The following CEP95 variants were observed in gnomAD, a reference collection of about 807,000 sequenced individuals.
CEP95 encodes centrosomal protein 95, also known as centrosomal protein of 95 kDa.
CEP95 carries 98 observed loss-of-function variants against 111.2 expected under a neutral mutation model. The observed-to-expected ratio is 0.88, with a 90% CI of 0.75 to 1.04. The LOEUF (loss-of-function observed/expected upper bound fraction) is 1.04. CEP95 is among the 50% of genes least tolerant of loss of function. The pLI is 0.00. For missense variants in CEP95, 1,027 were observed against 977.2 expected (o/e 1.05, Z -0.68); for synonymous variants, 323 against 327.1 (o/e 0.99, Z 0.14).
Position 64,524,484 on chromosome 17 carries a change from A to T in CEP95, c.910-1286A>T, listed in dbSNP as rs568698967. The stretch of plus-strand genomic sequence containing the variant: ...CCACCACACCTGGCTGATTTTTTTT[A>T]AAAATATTTTTAGTAGAGACGGGGT... On this transcript the variant is annotated intron_variant, in intron 8 of 19. Transcript: ENST00000556440. Among the ~76,000 whole-genome samples, 498 of 151,840 alleles carry T rather than the reference A, an allele frequency of 3.3e-3. 2 individuals are homozygous for T. The highest frequency in any genetic ancestry group is 0.01 in the African/African-American group (423 of 41,422).
chr17:64,509,544 G>C, intron 2 of CEP95, among the ~76,000 whole-genome samples: 1 of 152,154 alleles, frequency 6.6e-6, no homozygotes, highest in East Asian at 1.9e-4. Context: ...AATTAGCCAG[G>C]CATAGTGGTG....
intron 8 of CEP95, among the ~76,000 whole-genome samples, chr17:64,523,854 C>G (rs1019767311): frequency 6.6e-6 from 1 of 152,118 alleles, no homozygotes; most frequent in Admixed American, 6.5e-5. Flanking sequence ...GACCACACCA[C>G]TGCATTCCAG....
rs781801317 is a variant in CEP95, at chr17:64,531,871, T to C, written c.1540-19T>C. 11 of 1,517,692 alleles carry C rather than the reference T, an allele frequency of 7.2e-6. No individual in the cohort carries two copies. In the African/African-American group the frequency reaches 1.6e-4, roughly 21 times the overall value. 94.0% of individuals were successfully genotyped at this position (1,517,692 alleles called of 1,614,324 possible). On this transcript the variant is annotated intron_variant, in intron 13 of 19. Transcript: ENST00000556440. ...TGTTAGACCTTTTATTTTTATTCTG[T>C]TTTATATCTGCTTCTAAGGAAAAAA...
intron 6 of CEP95, among the ~76,000 whole-genome samples, chr17:64,520,854 T>G (rs1048934234): frequency 4.6e-5 from 7 of 152,246 alleles, no homozygotes; most frequent in African/African-American, 1.4e-4. Context: ...TTTCTAAAGC[T>G]AAATAATGAA....
intron 7 of CEP95, 117 bp downstream of exon 7, chr17:64,521,644 G>T: frequency 2.5e-6 from 2 of 813,544 alleles, no homozygotes; most frequent in East Asian, 3.0e-5. Flanking sequence ...GGTCTTACAT[G>T]ATCTTACTTG....
chr17:64,531,590 T>TA (rs1158345779), intron 13 of CEP95, among the ~76,000 whole-genome samples: 2 of 151,972 alleles, frequency 1.3e-5, no homozygotes, highest in African/African-American at 2.4e-5. Context: ...CATTAATGGT[T>TA]AAAAAAAAGA....
Position 64,527,204 on chromosome 17 carries a change from G to A in CEP95, c.1246G>A (p.Glu416Lys), listed in dbSNP as rs782102110. The A allele has an allele frequency of 6.2e-7, 1 of 1,613,718 alleles. No homozygotes were observed. The highest frequency in any genetic ancestry group is 1.1e-5 in the South Asian group (1 of 91,046). The part of the protein sequence containing the change: ...GNEEVEDGTE[E>K]TLSQHSDGIV... ...TGAGGAGGTAGAGGATGGAACTGAG[G>A]AGACACTGTCTCAGCACAGTGATGG... is the stretch of plus-strand genomic sequence containing the variant. Residue 416 changes from glutamate (E) to lysine (K), a missense_variant, in exon 11 of 20, where the codon GAG becomes AAG. Physicochemically the swap from Glu to Lys is moderately conservative, Grantham distance 56. Transcript: ENST00000556440.
chr17:64,514,427 T>C lies in CEP95; in HGVS notation c.367+69T>C, dbSNP rs781980758. On this transcript the variant is annotated intron_variant, in intron 4 of 19. Coordinates refer to ENST00000556440, the MANE Select transcript of CEP95 (RefSeq NM_138363.3). ...TGTGTCCCTTTTGCCTTTTATCTTT[T>C]TGTGTATTTTTCTTCATAGGAAGCA... The C allele has an allele frequency of 6.8e-5, 49 of 720,740 alleles. No individual in the cohort carries two copies. In the Middle Eastern group the frequency reaches 9.3e-4, roughly 14 times the overall value. The allele number at this position is 720,740 out of a possible 1,614,324, so 44.6% of individuals were successfully genotyped here. A position where few individuals can be genotyped will look rare whatever the true frequency, so the allele number is the denominator to read the frequency against.
chr17:64,530,341 G>T (rs1555680012), intron 12 of CEP95, among the ~76,000 whole-genome samples: 1 of 152,144 alleles, frequency 6.6e-6, no homozygotes, highest in Non-Finnish European at 1.5e-5. Context: ...AGCTGAGTTT[G>T]TGCCACTGCC....
Position 64,533,006 on chromosome 17 carries a change from GAAGT to G in CEP95, c.1842+3_1842+6del. ...TCGATCAAAGAAGAAACTCCAAGAT[GAAGT>G]AAGTTACTGTCAGTCTTAAGCATAG... On this transcript the variant is annotated splice_donor_variant and coding_sequence_variant, in exon 15 of 20. Coordinates refer to ENST00000556440, the MANE Select transcript of CEP95 (RefSeq NM_138363.3). LOFTEE classifies it high-confidence loss of function. 2.5e-6 allele frequency: 4 copies of G among 1,610,998 alleles called. No individual in the cohort carries two copies. The highest frequency in any genetic ancestry group is 3.4e-6 in the Non-Finnish European group (4 of 1,179,128).
intron 8 of CEP95, among the ~76,000 whole-genome samples, chr17:64,523,459 T>TA: frequency 6.6e-6 from 1 of 152,190 alleles, no homozygotes; most frequent in Admixed American, 6.5e-5. Context: ...ATATTCCCAT[T>TA]ATCCACCATG....
intron 17 of CEP95, chr17:64,536,338 A>G: frequency 4.4e-6 from 1 of 226,266 alleles, no homozygotes; most frequent in South Asian, 9.4e-5. Flanking sequence ...AGTCCCAGCT[A>G]TTTGGGTAGC....
At chr17:64,506,971 C>G, upstream of CEP95, 1 of 1,033,378 alleles carries the variant, frequency 9.7e-7, no homozygotes, top group South Asian at 1.4e-5. Flanking sequence ...CCTTCTTTCA[C>G]GCCTCCTTCC....
intron 4 of CEP95, chr17:64,514,669 C>T (rs1281234854): frequency 4.7e-5 from 18 of 382,198 alleles, no homozygotes; most frequent in Admixed American, 2.6e-4. Context: ...TCCAAAATTT[C>T]GTGTGTCAGA....
intron 3 of CEP95, among the ~76,000 whole-genome samples, chr17:64,513,079 C>T (rs1192588009): frequency 2.0e-5 from 3 of 152,132 alleles, no homozygotes; most frequent in Non-Finnish European, 2.9e-5. Context: ...TGAGGATGCT[C>T]TTGGGATATA....
chr17:64,530,387 CAAAA>C (rs1446377147), intron 12 of CEP95, among the ~76,000 whole-genome samples: 4 of 151,828 alleles, frequency 2.6e-5, no homozygotes, highest in Non-Finnish European at 5.9e-5. Flanking sequence ...TCTCAAAAAA[CAAAA>C]CAAGAAAACC....
At chr17:64,515,797 G>A (rs2039108539) in intron 4 of CEP95, 1 of 152,192 alleles carries the variant, frequency 6.6e-6, no homozygotes, top group African/African-American at 2.4e-5. Context: ...ACAGTAATGG[G>A]AAACAAATCT....
At chr17:64,516,092 T>C (rs2039126748) in intron 4 of CEP95, 1 of 152,212 alleles carries the variant, frequency 6.6e-6, no homozygotes, top group African/African-American at 2.4e-5. Flanking sequence ...TATTGAAATG[T>C]TGCTTGGTGA....
At chr17:64,515,485 A>G (rs1429224535) in intron 4 of CEP95, among the ~76,000 whole-genome samples, 1 of 152,172 alleles carries the variant, frequency 6.6e-6, no homozygotes, top group Non-Finnish European at 1.5e-5. Flanking sequence ...GCTTGCTCGC[A>G]GGAAGGGGAG....
Sources: allele counts gnomAD v4.1 joint callset (sites outside exome capture counted in the v4.1 genomes callset), GRCh38; gene constraint gnomAD v4.1.1; transcripts MANE v1.5; gene names NCBI Gene and HGNC (gene_info 2026-07-23, HGNC 2026-07-21).